The following TMCC1 variants were observed in gnomAD, a reference collection of about 807,000 sequenced individuals.
TMCC1 encodes transmembrane and coiled-coil domain family 1, also known as transmembrane and coiled-coil domains protein 1.
Under a neutral mutation model 52.4 loss-of-function variants are expected in TMCC1, and 15 were observed. The observed-to-expected ratio is 0.29, with a 90% confidence interval of 0.19 to 0.44. The LOEUF is 0.44. Ranked by LOEUF, TMCC1 falls within the 20% of genes least tolerant of loss-of-function variation. TMCC1 has a pLI of 1.00. For missense variants in TMCC1, 503 were observed against 806.0 expected (o/e 0.62, Z 4.55); for synonymous variants, 279 against 301.9 (o/e 0.92, Z 0.79).
At position 129,799,577 on chromosome 3, in the gene TMCC1, G is replaced by A. The variant is rs150101628; in HGVS notation, c.576+28226C>T. On this transcript the variant is annotated intron_variant, in intron 4 of 6. Coordinates refer to ENST00000393238, the MANE Select transcript of TMCC1 (RefSeq NM_001017395.5). ...TGTAGTCCCAGCGCTTTGGGAGGCC[G>A]AGGCGGGTGGATCACGAGATCAGGA... is the stretch of plus-strand genomic sequence containing the variant. Among the ~76,000 whole-genome samples the A allele has an allele frequency of 9.9e-3, 1,502 of 152,202 alleles. 26 individuals carry two copies. The highest frequency in any genetic ancestry group is 0.035 in the African/African-American group (1,434 of 41,508).
chr3:129,661,504 A>G (rs552588108), intron 5 of TMCC1, among the ~76,000 whole-genome samples: 4 of 152,236 alleles, frequency 2.6e-5, no homozygotes, highest in Non-Finnish European at 4.4e-5. Context: ...GTGAGGTTTA[A>G]TAAGGATCTG....
chr3:129,667,626 A>C (rs960763076), intron 5 of TMCC1, among the ~76,000 whole-genome samples: 1 of 152,184 alleles, frequency 6.6e-6, no homozygotes, highest in Non-Finnish European at 1.5e-5. Flanking sequence ...TACTAGAAAG[A>C]ACCCAAAGTG....
rs1367953682 is a variant in TMCC1 at position 129,650,528 on chromosome 3, GCA to G, written c.*951_*952del. On this transcript the variant is annotated 3_prime_UTR_variant, in exon 7 of 7. Coordinates refer to ENST00000393238, the MANE Select transcript of TMCC1 (RefSeq NM_001017395.5). Reference sequence around the variant, plus strand: ...AACTGTTTCAAGACAAGAGGGAGCAGCACACTTAAATATCCACACATTTCTTC... The same window carrying G: ...AACTGTTTCAAGACAAGAGGGAGCAGCACTTAAATATCCACACATTTCTTC... 1.3e-5 allele frequency: 2 copies of G among 152,470 alleles called. No individual in the cohort carries two copies. The highest frequency in any genetic ancestry group is 4.1e-4 in the South Asian group (2 of 4,820). The allele number at this position is 152,470 out of a possible 1,614,324, so 9.4% of individuals were successfully genotyped here. A position where few individuals can be genotyped will look rare whatever the true frequency, so the allele number is the denominator to read the frequency against.
In TMCC1 at chr3:129,740,232, C is replaced by G. The variant is rs1576644228; in HGVS notation, c.577-68968G>C. On this transcript the variant is annotated intron_variant, in intron 4 of 6. Coordinates refer to ENST00000393238, the MANE Select transcript of TMCC1 (RefSeq NM_001017395.5). ...CATCTCAGATGTATTCTCCTAGATACCAATCACTATGAATTTCTATGCAGA... is the reference window on the plus strand; with the variant it reads ...CATCTCAGATGTATTCTCCTAGATAGCAATCACTATGAATTTCTATGCAGA... Among the ~76,000 whole-genome samples, 6 of 152,276 alleles carry G rather than the reference C, an allele frequency of 3.9e-5. No homozygotes were observed. In the South Asian group the frequency reaches 1.2e-3, roughly 32 times the overall value.
At chr3:129,676,030 CTG>C (rs1214576775) in intron 4 of TMCC1, among the ~76,000 whole-genome samples, 1 of 113,942 alleles carries the variant, frequency 8.8e-6, no homozygotes, top group African/African-American at 4.6e-5. Flanking sequence ...GAGCGAGACT[CTG>C]TCTCAAAAAA....
At chr3:129,678,965 T>A (rs900843234) in intron 4 of TMCC1, among the ~76,000 whole-genome samples, 7 of 152,224 alleles carry the variant, frequency 4.6e-5, no homozygotes, top group Non-Finnish European at 7.3e-5. Context: ...ACACTCTTTT[T>A]ATACCTGTAA....
intron 4 of TMCC1, among the ~76,000 whole-genome samples, chr3:129,676,481 T>G (rs189208345): frequency 1.0e-3 from 158 of 152,356 alleles, no homozygotes; most frequent in African/African-American, 3.7e-3. Context: ...ATCTATTAAC[T>G]GATCTGAATT....
chr3:129,803,620 T>A (rs2057310631), intron 4 of TMCC1, among the ~76,000 whole-genome samples: 3 of 152,336 alleles, frequency 2.0e-5, no homozygotes, highest in Admixed American at 2.0e-4. Flanking sequence ...TTCTTGCCTT[T>A]AGGCATGGAA....
At chr3:129,760,433 T>A (rs1297425687) in intron 4 of TMCC1, among the ~76,000 whole-genome samples, 1 of 142,872 alleles carries the variant, frequency 7.0e-6, no homozygotes, top group Non-Finnish European at 1.6e-5. Flanking sequence ...TGTGTGTGTG[T>A]GTTTTTGAGA....
In TMCC1 at chr3:129,797,345, G is replaced by A. The variant is rs1041883668; in HGVS notation, c.576+30458C>T. 5.3e-5 allele frequency among the ~76,000 whole-genome samples: 8 copies of A among 150,208 alleles called. No individual in the cohort carries two copies. In the South Asian group the frequency reaches 6.4e-4, roughly 12 times the overall value. On this transcript the variant is annotated intron_variant, in intron 4 of 6. Transcript: ENST00000393238. ...CATCTCAAACAAAAAAAAAAAACAC[G>A]TATTTCATAATATCTCGGGAAGAGC...
intron 4 of TMCC1, 108 bp downstream of exon 4, chr3:129,827,695 C>A: frequency 7.3e-7 from 1 of 1,360,824 alleles, no homozygotes; most frequent in African/African-American, 1.4e-5. Flanking sequence ...TTTACCACAA[C>A]TTTAAGGTAT....
chr3:129,667,399 A>G (rs2087556207), intron 5 of TMCC1, among the ~76,000 whole-genome samples: 1 of 152,150 alleles, frequency 6.6e-6, no homozygotes, highest in Non-Finnish European at 1.5e-5. Context: ...ATAAAGTACA[A>G]TAGTTGTGAC....
chr3:129,869,813 A>G (rs1161500281), intron 2 of TMCC1, among the ~76,000 whole-genome samples: 1 of 152,266 alleles, frequency 6.6e-6, no homozygotes, highest in African/African-American at 2.4e-5. Flanking sequence ...AATACCTGGC[A>G]TTAATTTTAT....
At position 129,871,838 on chromosome 3, in the gene TMCC1, T is replaced by C. The variant is rs145271477; in HGVS notation, c.-184+8471A>G. Among the ~76,000 whole-genome samples the C allele has an allele frequency of 9.7e-3, 1,480 of 152,320 alleles. 24 individuals carry two copies. Among genetic ancestry groups the C allele is most frequent in the Non-Finnish European group, 9.5e-3 (643 of 68,032 alleles). On this transcript the variant is annotated intron_variant, in intron 2 of 6. Coordinates refer to ENST00000393238, the MANE Select transcript of TMCC1 (RefSeq NM_001017395.5). Reference sequence around the variant, plus strand: ...CCAGCTCACAAAAAAAGATACATGATTTTCATATAGATGAAAAGTTCTTCA... The same window carrying C: ...CCAGCTCACAAAAAAAGATACATGACTTTCATATAGATGAAAAGTTCTTCA...
At chr3:129,676,171 G>A (rs2088429809) in intron 4 of TMCC1, among the ~76,000 whole-genome samples, 1 of 152,052 alleles carries the variant, frequency 6.6e-6, no homozygotes, top group African/African-American at 2.4e-5. Context: ...TCAACAGGGT[G>A]TCTTTTTCTG....
At chr3:129,689,326 T>C (rs1164882323) in intron 4 of TMCC1, among the ~76,000 whole-genome samples, 1 of 152,248 alleles carries the variant, frequency 6.6e-6, no homozygotes, top group Non-Finnish European at 1.5e-5. Flanking sequence ...TGTTTCTGAC[T>C]TGAAAAAGTC....
intron 1 of TMCC1, among the ~76,000 whole-genome samples, chr3:129,884,355 T>C (rs2061596363): frequency 6.6e-6 from 1 of 152,128 alleles, no homozygotes; most frequent in African/African-American, 2.4e-5. Context: ...AGGCTGGGCA[T>C]GGTGGCTCAC....
chr3:129,857,207 C>A (rs1577106505), intron 2 of TMCC1: 1 of 152,488 alleles, frequency 6.6e-6, no homozygotes, highest in Non-Finnish European at 1.5e-5. Context: ...CAGGCATGAG[C>A]CACCACGCCC....
chr3:129,678,545 A>G (rs894655381), intron 4 of TMCC1, among the ~76,000 whole-genome samples: 1 of 151,174 alleles, frequency 6.6e-6, no homozygotes, highest in Non-Finnish European at 1.5e-5. Context: ...TATTTTTAGT[A>G]GAGACGGAGT....
Sources: gnomAD v4.1 joint callset for allele counts (sites outside exome capture counted in the v4.1 genomes callset) on GRCh38, gnomAD v4.1.1 for gene constraint, MANE v1.5 for transcripts, NCBI Gene and HGNC (gene_info 2026-07-23, HGNC 2026-07-21) for gene names.